Variants in RANBP2 observed in about 807,000 individuals in gnomAD.
RANBP2 encodes RAN binding protein 2.
RANBP2 carries 57 observed loss-of-function variants against 303.6 expected under a neutral mutation model. That is an observed-to-expected ratio of 0.19 (90% CI 0.15 to 0.23). The LOEUF (loss-of-function observed/expected upper bound fraction) is 0.23. Ranked by LOEUF, RANBP2 falls within the 10% of genes least tolerant of loss-of-function variation. RANBP2 has a pLI of 1.00. For synonymous variants in RANBP2, 1,167 were observed against 1,301.5 expected (o/e 0.90, Z 2.23); for missense variants, 3,138 against 3,780.8 (o/e 0.83, Z 4.46).
chr2:109,600,218 G>A, the RANBP2 span, among the ~76,000 whole-genome samples: 3 of 152,018 alleles, frequency 2.0e-5, no homozygotes, highest in African/African-American at 4.8e-5. Context: ...TTCCTTGCAC[G>A]GCTATTAAGA....
chr2:109,590,330 TGAG>T, the RANBP2 span, among the ~76,000 whole-genome samples: 1 of 152,082 alleles, frequency 6.6e-6, no homozygotes, highest in South Asian at 2.1e-4. Context: ...TAGGTGTCTC[TGAG>T]AAGAGATTTT....
chr2:109,519,201 G>A, the RANBP2 span, among the ~76,000 whole-genome samples: 1 of 152,050 alleles, frequency 6.6e-6, no homozygotes, highest in Non-Finnish European at 1.5e-5. Context: ...TTACAGGCTT[G>A]AGCCACCACA....
chr2:108,744,493 T>A (rs1053182098), intron 7 of RANBP2, among the ~76,000 whole-genome samples: 7 of 152,108 alleles, frequency 4.6e-5, no homozygotes, highest in African/African-American at 1.7e-4. Flanking sequence ...AACTGTTGAA[T>A]AATTTTGTAA....
the RANBP2 span, chr2:108,895,634 C>G: frequency 7.2e-5 from 11 of 152,204 alleles, no homozygotes; most frequent in Admixed American, 1.3e-4. Flanking sequence ...TCCTATAGCT[C>G]CACTTTCTTT....
the RANBP2 span, among the ~76,000 whole-genome samples, chr2:108,922,534 C>T: frequency 6.6e-6 from 1 of 152,210 alleles, no homozygotes. Context: ...TCCTGCTCCT[C>T]CCCTTCTTTC....
chr2:108,768,394 T>G lies in RANBP2; in HGVS notation c.7849+6T>G, dbSNP rs768489972. Reference sequence around the variant, plus strand: ...ATTTAAAACACCAGAAAAGGGTAAGTACTTTGTTGTTAAAGTTAAGCACAA... The same window carrying G: ...ATTTAAAACACCAGAAAAGGGTAAGGACTTTGTTGTTAAAGTTAAGCACAA... On this transcript the variant is annotated splice_donor_region_variant and intron_variant, in intron 20 of 28. Coordinates refer to ENST00000283195, the MANE Select transcript of RANBP2 (RefSeq NM_006267.5). The G allele has an allele frequency of 1.9e-6, 3 of 1,610,916 alleles. No individual in the cohort carries two copies. The South Asian group carries it at 3.3e-5, about 18-fold the overall frequency.
At chr2:109,477,916 C>T in the RANBP2 span, among the ~76,000 whole-genome samples, 2 of 152,226 alleles carry the variant, frequency 1.3e-5, no homozygotes, top group African/African-American at 4.8e-5. Flanking sequence ...CAGCCCCACA[C>T]CCTTGGCATG....
the RANBP2 span, among the ~76,000 whole-genome samples, chr2:109,382,666 C>T: frequency 3.3e-5 from 5 of 152,280 alleles, no homozygotes; most frequent in East Asian, 1.9e-4. Flanking sequence ...TTCTAACATC[C>T]GTCTGCCACT....
the RANBP2 span, among the ~76,000 whole-genome samples, chr2:109,217,945 T>A: frequency 6.6e-6 from 1 of 152,162 alleles, no homozygotes; most frequent in Non-Finnish European, 1.5e-5. Context: ...GCCAGGACCT[T>A]TCCCTCGAGG....
At chr2:109,584,010 G>A in the RANBP2 span, among the ~76,000 whole-genome samples, 3 of 152,272 alleles carry the variant, frequency 2.0e-5, no homozygotes, top group Admixed American at 1.3e-4. Context: ...AAGATACCCG[G>A]TAAAGGCTGA....
chr2:109,635,941 C>A, the RANBP2 span, among the ~76,000 whole-genome samples: 1 of 152,164 alleles, frequency 6.6e-6, no homozygotes, highest in African/African-American at 2.4e-5. Flanking sequence ...AAATCTTCAC[C>A]CCAATGTGAC....
At chr2:109,482,485 TC>T in the RANBP2 span, among the ~76,000 whole-genome samples, 1 of 152,268 alleles carries the variant, frequency 6.6e-6, no homozygotes, top group Admixed American at 6.5e-5. Flanking sequence ...TTCTTGAAGT[TC>T]CTCAGGGAGT....
At chr2:109,319,135 C>T in the RANBP2 span, among the ~76,000 whole-genome samples, 1 of 152,138 alleles carries the variant, frequency 6.6e-6, no homozygotes, top group African/African-American at 2.4e-5. Context: ...CCATCTCTGC[C>T]TAGATGGGGG....
the RANBP2 span, among the ~76,000 whole-genome samples, chr2:108,861,313 T>C: frequency 6.6e-6 from 1 of 152,078 alleles, no homozygotes; most frequent in African/African-American, 2.4e-5. Context: ...ATAGTTCTTT[T>C]AGTCTCAACT....
the RANBP2 span, among the ~76,000 whole-genome samples, chr2:109,233,008 T>A: frequency 8.8e-3 from 1,344 of 152,160 alleles, 16 homozygotes; most frequent in African/African-American, 0.031. Flanking sequence ...CACCATGTGC[T>A]CAAACCCCTT....
At chr2:109,262,458 G>A in the RANBP2 span, among the ~76,000 whole-genome samples, 1 of 152,208 alleles carries the variant, frequency 6.6e-6, no homozygotes, top group African/African-American at 2.4e-5. Flanking sequence ...GTACCCAAGA[G>A]CCCATAGGAC....
the RANBP2 span, among the ~76,000 whole-genome samples, chr2:109,403,669 A>G: frequency 6.9e-3 from 1,053 of 152,332 alleles, 8 homozygotes; most frequent in East Asian, 0.041. Context: ...GGCTCAATGC[A>G]GGGTGCTGGG....
chr2:109,678,790 C>A, the RANBP2 span, among the ~76,000 whole-genome samples: 2 of 152,120 alleles, frequency 1.3e-5, no homozygotes, highest in Non-Finnish European at 2.9e-5. Context: ...GCACGAGTGG[C>A]TGAAGAAGAG....
chr2:109,068,387 T>C, the RANBP2 span, among the ~76,000 whole-genome samples: 1 of 151,662 alleles, frequency 6.6e-6, no homozygotes, highest in South Asian at 2.1e-4. Flanking sequence ...AGAGAAGAGG[T>C]TGAGAAACCC....
Sources: gnomAD v4.1 joint callset for allele counts (sites outside exome capture counted in the v4.1 genomes callset) on GRCh38, gnomAD v4.1.1 for gene constraint, MANE v1.5 for transcripts, NCBI Gene and HGNC (gene_info 2026-07-23, HGNC 2026-07-21) for gene names.